The following ARHGAP12 variants were observed in gnomAD, a reference collection of about 807,000 sequenced individuals.
ARHGAP12 encodes the protein Rho GTPase activating protein 12.
ARHGAP12 carries 64 observed loss-of-function variants against 108.6 expected under a neutral mutation model. The observed-to-expected ratio is 0.59, with a 90% CI of 0.48 to 0.73. The LOEUF is 0.73. Among genes scored for constraint, ARHGAP12 ranks in the 30% least tolerant of loss-of-function variants. ARHGAP12 has a pLI of 0.00. For missense variants in ARHGAP12, 940 were observed against 1,005.9 expected, an observed-to-expected ratio of 0.93 and a Z score of 0.89; for synonymous variants, 312 against 337.2, an observed-to-expected ratio of 0.93 and a Z score of 0.82.
intron 14 of ARHGAP12, among the ~76,000 whole-genome samples, chr10:31,813,204 A>AT (rs1835082946): frequency 6.6e-6 from 1 of 152,212 alleles, no homozygotes; most frequent in Admixed American, 6.5e-5. Flanking sequence ...GTAAAAATAC[A>AT]TAAAATACAC....
At chr10:31,832,062 G>T (rs1319057118) in intron 9 of ARHGAP12, among the ~76,000 whole-genome samples, 1 of 152,014 alleles carries the variant, frequency 6.6e-6, no homozygotes, top group African/African-American at 2.4e-5. Context: ...TATCAAATTA[G>T]ATTTCCATAT....
intron 6 of ARHGAP12, among the ~76,000 whole-genome samples, chr10:31,848,508 T>C (rs372187849): frequency 1.3e-5 from 2 of 152,196 alleles, no homozygotes; most frequent in African/African-American, 4.8e-5. Context: ...TCCTAATACA[T>C]GAATATAGAA....
intron 1 of ARHGAP12, among the ~76,000 whole-genome samples, chr10:31,921,194 AGAG>A (rs1564437352): frequency 6.6e-6 from 1 of 152,052 alleles, no homozygotes. Context: ...GGCTGAGGTA[AGAG>A]GATTACAGGA....
chr10:31,827,442 T>C (rs1835657781), intron 10 of ARHGAP12, among the ~76,000 whole-genome samples: 1 of 152,170 alleles, frequency 6.6e-6, no homozygotes, highest in Admixed American at 6.5e-5. Flanking sequence ...GTCAAATCTG[T>C]CTACTGCAGG....
At chr10:31,815,321 G>A (rs1297490195) in intron 13 of ARHGAP12, among the ~76,000 whole-genome samples, 1 of 152,004 alleles carries the variant, frequency 6.6e-6, no homozygotes, top group Non-Finnish European at 1.5e-5. Flanking sequence ...TTTTTTCTTG[G>A]ATTCCCAGCT....
chr10:31,811,366 T>C (rs1835009995), intron 15 of ARHGAP12, among the ~76,000 whole-genome samples: 1 of 152,224 alleles, frequency 6.6e-6, no homozygotes, highest in Non-Finnish European at 1.5e-5. Context: ...TTTCAAATAC[T>C]CTTCTATTGA....
At chr10:31,840,167 A>G in intron 7 of ARHGAP12, among the ~76,000 whole-genome samples, 1 of 152,118 alleles carries the variant, frequency 6.6e-6, no homozygotes. Flanking sequence ...AATTTTAGTC[A>G]AAAGCTATAT....
intron 1 of ARHGAP12, among the ~76,000 whole-genome samples, chr10:31,923,557 T>C (rs1170688165): frequency 1.3e-5 from 2 of 152,198 alleles, no homozygotes; most frequent in African/African-American, 2.4e-5. Context: ...TTGAATAAAC[T>C]AATTGTGGTA....
chr10:31,837,680 T>A (rs1836080376), intron 9 of ARHGAP12, among the ~76,000 whole-genome samples: 1 of 152,124 alleles, frequency 6.6e-6, no homozygotes, highest in Non-Finnish European at 1.5e-5. Context: ...CCCTGATTAG[T>A]GCCAAAAAGA....
At chr10:31,893,199 G>A (rs1260691832) in intron 3 of ARHGAP12, among the ~76,000 whole-genome samples, 1 of 152,166 alleles carries the variant, frequency 6.6e-6, no homozygotes, top group Non-Finnish European at 1.5e-5. Context: ...AACTAGAGAA[G>A]CAAGAGCAAA....
At chr10:31,906,529 T>C (rs1314629946) in intron 3 of ARHGAP12, among the ~76,000 whole-genome samples, 1 of 152,180 alleles carries the variant, frequency 6.6e-6, no homozygotes. Flanking sequence ...ATCCCATGGC[T>C]TTCATATTTG....
At chr10:31,844,690 C>T (rs1836385760) in intron 6 of ARHGAP12, among the ~76,000 whole-genome samples, 1 of 146,524 alleles carries the variant, frequency 6.8e-6, no homozygotes, top group Non-Finnish European at 1.5e-5. Context: ...CATGCCAGCA[C>T]ACTTGGCTTT....
At chr10:31,873,506 T>C (rs1837614789) in intron 3 of ARHGAP12, among the ~76,000 whole-genome samples, 2 of 152,194 alleles carry the variant, frequency 1.3e-5, no homozygotes, top group South Asian at 2.1e-4. Context: ...TAACCACCCA[T>C]GGCCAGTGGC....
chr10:31,916,862 G>A (rs1339656730), intron 1 of ARHGAP12, among the ~76,000 whole-genome samples: 3 of 151,856 alleles, frequency 2.0e-5, no homozygotes, highest in Admixed American at 1.3e-4. Flanking sequence ...TGATCCGCCC[G>A]CCTTGGCCTC....
At chr10:31,906,201 C>A (rs1265487005) in intron 3 of ARHGAP12, among the ~76,000 whole-genome samples, 1 of 152,196 alleles carries the variant, frequency 6.6e-6, no homozygotes, top group Admixed American at 6.5e-5. Context: ...AGGACTGCAA[C>A]CTCAGGAGAC....
intron 6 of ARHGAP12, among the ~76,000 whole-genome samples, chr10:31,848,313 T>TGTCTCCTGGGTTCTGAAGA (rs1424388313): frequency 6.6e-6 from 1 of 152,188 alleles, no homozygotes; most frequent in Non-Finnish European, 1.5e-5. Flanking sequence ...CTTTTAAGAT[T>TGTCTCCTGGGTTCTGAAGA]GTCTCCTGGG....
intron 6 of ARHGAP12, among the ~76,000 whole-genome samples, chr10:31,844,198 A>T (rs1205592925): frequency 2.6e-5 from 4 of 152,172 alleles, no homozygotes. Flanking sequence ...TACAAAGAGA[A>T]GGTGTTTTGT....
At position 31,807,783 on chromosome 10, in the gene ARHGAP12, T is replaced by C. The variant is rs767333245; in HGVS notation, c.2416A>G (p.Ile806Val). Residue 806 changes from isoleucine to valine, a missense_variant, in exon 20 of 20, where the codon ATT becomes GTT. By Grantham distance (29) the Ile-to-Val change is conservative. Transcript: ENST00000344936. ...TTTAATAGAGTGGGACCAAAAACAA[T>C]TGCTATACTCTGATAGGTCATTCGA... ...KNRMTYQSIA[I>V]VFGPTLLKPE... The C allele has an allele frequency of 1.9e-6, 3 of 1,605,052 alleles. No individual in the cohort carries two copies. Among genetic ancestry groups the C allele is most frequent in the South Asian group, 2.2e-5 (2 of 89,232 alleles).
intron 1 of ARHGAP12, among the ~76,000 whole-genome samples, chr10:31,912,102 C>A (rs1839373931): frequency 6.6e-6 from 1 of 152,152 alleles, no homozygotes; most frequent in Admixed American, 6.5e-5. Flanking sequence ...CATGCATTAC[C>A]AGAACGCTAG....
Sources: allele counts gnomAD v4.1 joint callset (sites outside exome capture counted in the v4.1 genomes callset), GRCh38; gene constraint gnomAD v4.1.1; transcripts MANE v1.5; gene names NCBI Gene and HGNC (gene_info 2026-07-23, HGNC 2026-07-21).